The following ARHGEF3 variants were observed in gnomAD, a reference collection of about 807,000 sequenced individuals.
ARHGEF3 encodes the protein Rho guanine nucleotide exchange factor 3, also known as 59.8 kDA protein.
A neutral mutation model predicts 63.2 loss-of-function variants in ARHGEF3; 28 were observed. The observed-to-expected ratio is 0.44, with a 90% confidence interval of 0.33 to 0.61. The LOEUF (loss-of-function observed/expected upper bound fraction) is 0.61, where lower values mean the gene tolerates loss of function less well. ARHGEF3 is among the 20% of genes least tolerant of loss of function. The pLI, the probability that ARHGEF3 is intolerant of heterozygous loss-of-function variation, is 0.03. For missense variants in ARHGEF3, 533 were observed against 659.3 expected (o/e 0.81, Z 2.10); for synonymous variants, 266 against 254.2 (o/e 1.05, Z -0.44).
chr3:56,919,942 C>G (rs1393919693), intron 3 of ARHGEF3, among the ~76,000 whole-genome samples: 1 of 152,186 alleles, frequency 6.6e-6, no homozygotes, highest in Non-Finnish European at 1.5e-5. Flanking sequence ...TCAGAAGACA[C>G]AGCGAGAAAC....
At chr3:56,850,087 G>A (rs2039625670) in intron 4 of ARHGEF3, among the ~76,000 whole-genome samples, 1 of 151,950 alleles carries the variant, frequency 6.6e-6, no homozygotes, top group Non-Finnish European at 1.5e-5. Context: ...TATCAACACT[G>A]TTCCTAAGCC....
At chr3:56,839,513 T>C (rs1349806263) in intron 4 of ARHGEF3, among the ~76,000 whole-genome samples, 1 of 152,230 alleles carries the variant, frequency 6.6e-6, no homozygotes, top group Non-Finnish European at 1.5e-5. Flanking sequence ...TTATGTAAGA[T>C]GTTAACATCA....
intron 1 of ARHGEF3, among the ~76,000 whole-genome samples, chr3:57,043,490 T>TAA (rs10709339): frequency 3.4e-5 from 5 of 145,914 alleles, no homozygotes; most frequent in South Asian, 4.3e-4. Context: ...GTTTCAAAGT[T>TAA]AAAAAAAAAA....
chr3:57,013,156 C>T (rs1388536094), intron 2 of ARHGEF3, among the ~76,000 whole-genome samples: 1 of 152,210 alleles, frequency 6.6e-6, no homozygotes, highest in Non-Finnish European at 1.5e-5. Context: ...CCCGCCCTGG[C>T]GGTGGGCTCC....
intron 4 of ARHGEF3, among the ~76,000 whole-genome samples, chr3:56,876,803 A>G (rs961448483): frequency 2.6e-5 from 4 of 152,188 alleles, no homozygotes; most frequent in Non-Finnish European, 5.9e-5. Context: ...CACCAGCTCC[A>G]TCGCCACCAG....
upstream of ARHGEF3, among the ~76,000 whole-genome samples, chr3:56,805,718 A>G (rs1433211716): frequency 6.6e-6 from 1 of 152,248 alleles, no homozygotes; most frequent in Non-Finnish European, 1.5e-5. Context: ...CATATATATG[A>G]CAAACATACC....
intron 6 of ARHGEF3, 91 bp downstream of exon 6, chr3:56,750,965 A>T: frequency 2.2e-6 from 2 of 921,012 alleles, no homozygotes; most frequent in Non-Finnish European, 3.0e-6. Flanking sequence ...GTAAAAAAAT[A>T]AAAATAAAAA....
At chr3:57,028,425 A>T (rs1429949982) in intron 2 of ARHGEF3, among the ~76,000 whole-genome samples, 1 of 99,774 alleles carries the variant, frequency 1.0e-5, no homozygotes, top group Non-Finnish European at 2.0e-5. Flanking sequence ...CATCATTCTC[A>T]GTAAACTATC....
At chr3:57,002,498 T>TTA (rs1553802543) in intron 2 of ARHGEF3, among the ~76,000 whole-genome samples, 37 of 13,468 alleles carry the variant, frequency 2.7e-3, no homozygotes, top group East Asian at 0.011. Flanking sequence ...TATATATATG[T>TTA]TATATATATA....
At chr3:56,967,086 C>A (rs2106798068) in intron 2 of ARHGEF3, among the ~76,000 whole-genome samples, 1 of 148,700 alleles carries the variant, frequency 6.7e-6, no homozygotes, top group South Asian at 2.1e-4. Context: ...TGGTCTCGAA[C>A]TCCCGACCTC....
At chr3:57,005,619 G>A (rs1315752217) in intron 2 of ARHGEF3, among the ~76,000 whole-genome samples, 1 of 152,198 alleles carries the variant, frequency 6.6e-6, no homozygotes, top group Non-Finnish European at 1.5e-5. Context: ...CCTATCGGGA[G>A]GGGTTCCTGC....
chr3:56,991,425 C>T (rs1701741919), intron 2 of ARHGEF3, among the ~76,000 whole-genome samples: 1 of 152,174 alleles, frequency 6.6e-6, no homozygotes, highest in Non-Finnish European at 1.5e-5. Flanking sequence ...TCTATCTACA[C>T]CCCGAGTCTG....
At chr3:56,840,892 TAGAA>T (rs762085093) in intron 4 of ARHGEF3, among the ~76,000 whole-genome samples, 6 of 152,218 alleles carry the variant, frequency 3.9e-5, no homozygotes, top group South Asian at 2.1e-4. Flanking sequence ...ATTTCATGGT[TAGAA>T]AGATTTACTG....
intron 2 of ARHGEF3, among the ~76,000 whole-genome samples, chr3:56,964,103 G>C (rs2106780156): frequency 6.6e-6 from 1 of 152,246 alleles, no homozygotes; most frequent in Non-Finnish European, 1.5e-5. Flanking sequence ...TGTAATCCCA[G>C]CACTTTGGGA....
At chr3:57,015,971 G>C (rs1579095966) in intron 2 of ARHGEF3, among the ~76,000 whole-genome samples, 1 of 152,080 alleles carries the variant, frequency 6.6e-6, no homozygotes, top group Non-Finnish European at 1.5e-5. Context: ...TGCAGACAGA[G>C]ACCACAGAGG....
intron 2 of ARHGEF3, among the ~76,000 whole-genome samples, chr3:56,964,953 T>C (rs1334600754): frequency 2.6e-5 from 4 of 152,164 alleles, no homozygotes; most frequent in Non-Finnish European, 4.4e-5. Context: ...CTGTTATGAA[T>C]AGGGTCACAT....
intron 4 of ARHGEF3, among the ~76,000 whole-genome samples, chr3:56,821,036 G>A (rs2038469312): frequency 6.6e-6 from 1 of 151,830 alleles, no homozygotes. Flanking sequence ...GTAGGTGCAT[G>A]CCTGTAATCC....
At chr3:56,921,099 TCA>T (rs1560051983) in intron 3 of ARHGEF3, among the ~76,000 whole-genome samples, 1 of 143,888 alleles carries the variant, frequency 6.9e-6, no homozygotes, top group Non-Finnish European at 1.5e-5. Context: ...GTGCAGTGGC[TCA>T]CACCTGTAAT....
At chr3:57,001,926 T>TG (rs1403187148) in intron 2 of ARHGEF3, among the ~76,000 whole-genome samples, 2 of 69,648 alleles carry the variant, frequency 2.9e-5, no homozygotes, top group African/African-American at 1.2e-4. Flanking sequence ...TTTTTTTTTT[T>TG]TTTGTTTTTT....
Sources: allele counts gnomAD v4.1 joint callset (sites outside exome capture counted in the v4.1 genomes callset), GRCh38; gene constraint gnomAD v4.1.1; transcripts MANE v1.5; gene names NCBI Gene and HGNC (gene_info 2026-07-23, HGNC 2026-07-21).